Variants in ACAN observed in about 807,000 individuals in gnomAD.
ACAN encodes the protein aggrecan.
A neutral mutation model predicts 169.1 loss-of-function variants in ACAN; 47 were observed. That is an observed-to-expected ratio of 0.28 (90% CI 0.22 to 0.35). The LOEUF (loss-of-function observed/expected upper bound fraction) is 0.35, where lower values mean the gene tolerates loss of function less well. ACAN is among the 10% of genes least tolerant of loss of function. ACAN has a pLI of 1.00. For synonymous variants in ACAN, 1,115 were observed against 1,112.2 expected (o/e 1.00, Z -0.05); for missense variants, 2,716 against 2,759.9 (o/e 0.98, Z 0.36).
intron 1 of ACAN, among the ~76,000 whole-genome samples, chr15:88,806,368 T>C (rs199853043): frequency 7.1e-6 from 1 of 141,418 alleles, no homozygotes; most frequent in South Asian, 2.2e-4. Context: ...TTTTTTTTTT[T>C]AAGATGGGAG....
At chr15:88,812,591 C>A (rs1224229088) in intron 1 of ACAN, among the ~76,000 whole-genome samples, 2 of 152,210 alleles carry the variant, frequency 1.3e-5, no homozygotes, top group African/African-American at 4.8e-5. Flanking sequence ...CTCGGTCCCC[C>A]TGCCCAGGTG....
intron 1 of ACAN, among the ~76,000 whole-genome samples, chr15:88,811,820 C>G (rs1895828375): frequency 6.6e-6 from 1 of 152,146 alleles, no homozygotes; most frequent in Admixed American, 6.5e-5. Flanking sequence ...GCCCTGCTTG[C>G]ATGCTTGTCT....
At chr15:88,859,926 T>C (rs1459552255) in intron 12 of ACAN, among the ~76,000 whole-genome samples, 4 of 152,156 alleles carry the variant, frequency 2.6e-5, no homozygotes, top group Non-Finnish European at 5.9e-5. Context: ...TAAGGAACTA[T>C]GAAGTGTCAT....
In ACAN at chr15:88,868,052, G is replaced by GGCA. The variant is rs541175678; in HGVS notation, c.6947-142_6947-140dup. ...GATCTTTGCTTCAGCACTCCAAGAT[G>GGCA]GCAGCAGCAGCAGCAGCAGCAGCAA... On this transcript the variant is annotated intron_variant, in intron 13 of 18. Coordinates refer to ENST00000560601, the MANE Select transcript of ACAN (RefSeq NM_001369268.1). The surrounding 1 kb of genome is among the most constrained non-coding windows in gnomAD (Gnocchi z 5.2). 0.014 allele frequency among the ~76,000 whole-genome samples: 2,185 copies of GGCA among 152,090 alleles called. 55 individuals carry two copies. The highest frequency in any genetic ancestry group is 0.05 in the African/African-American group (2,060 of 41,478).
chr15:88,836,235 C>G lies in ACAN; in HGVS notation c.29C>G (p.Thr10Ser), dbSNP rs1422976124. 1.2e-6 allele frequency: 2 copies of G among 1,613,786 alleles called. No homozygotes were observed. The highest frequency in any genetic ancestry group is 1.7e-6 in the Non-Finnish European group (2 of 1,179,880). The change falls in exon 2 of 19, where the codon ACT becomes AGT. Residue 10 changes from threonine (T) to serine (S), a missense_variant. By Grantham distance (58) the Thr-to-Ser change is moderately conservative. This residue lies in a region of ACAN where 1,283 missense variants were observed against 1,281.5 expected (regional missense o/e 1.00). Transcript: ENST00000560601. ...ACCACTTTACTCTGGGTTTTCGTGA[C>G]TCTGAGGGTCATCACTGCAGCTGTC... MTTLLWVFV[T>S]LRVITAAVTV...
In ACAN at chr15:88,843,064, G is replaced by A. The variant is rs148788850; in HGVS notation, c.758-291G>A. Among the ~76,000 whole-genome samples the A allele has an allele frequency of 3.3e-5, 5 of 152,320 alleles. No homozygotes were observed. Among genetic ancestry groups the A allele is most frequent in the African/African-American group, 4.8e-5 (2 of 41,570 alleles). On this transcript the variant is annotated intron_variant, in intron 5 of 18. Transcript: ENST00000560601. The surrounding 1 kb of genome is among the most constrained non-coding windows in gnomAD (Gnocchi z 4.0). Reference sequence around the variant, plus strand: ...ATGCAAATGGGGCAAAGAGGCTTTTGAGCAGAATTTTCCTCCCAGATTTCA... The same window carrying A: ...ATGCAAATGGGGCAAAGAGGCTTTTAAGCAGAATTTTCCTCCCAGATTTCA...
chr15:88,858,952 G>A lies in ACAN; in HGVS notation c.6367G>A (p.Asp2123Asn). The A allele has an allele frequency of 6.2e-7, 1 of 1,612,084 alleles. No individual in the cohort carries two copies. Among genetic ancestry groups the A allele is most frequent in the South Asian group, 1.1e-5 (1 of 91,034 alleles). ...ASAAPEASREDSGSPDLSETT... is the reference protein window; with the variant it reads ...ASAAPEASRENSGSPDLSETT... The stretch of plus-strand genomic sequence containing the variant: ...TGCCGCCCCTGAGGCCAGCAGAGAA[G>A]ATTCTGGGTCCCCTGATCTGAGTGA... Residue 2123 changes from aspartate (D) to asparagine (N), a missense_variant, in exon 12 of 19, where the codon GAT (aspartate) becomes AAT (asparagine). Around this residue, in one of 3 missense-constraint regions of ACAN, gnomAD observed 1,389 missense variants for 1,363.7 expected, o/e 1.02. Coordinates refer to ENST00000560601, the MANE Select transcript of ACAN (RefSeq NM_001369268.1). The surrounding 1 kb of genome is among the most constrained non-coding windows in gnomAD (Gnocchi z 4.0).
chr15:88,810,020 GA>G (rs1895779312), intron 1 of ACAN, among the ~76,000 whole-genome samples: 1 of 152,204 alleles, frequency 6.6e-6, no homozygotes, highest in Non-Finnish European at 1.5e-5. Flanking sequence ...CTATTTTACA[GA>G]GTCATGAAAC....
intron 1 of ACAN, among the ~76,000 whole-genome samples, chr15:88,810,956 T>C (rs892570394): frequency 6.6e-6 from 1 of 152,218 alleles, no homozygotes; most frequent in Non-Finnish European, 1.5e-5. Flanking sequence ...ACTTGCTCTC[T>C]TCCTTCCCCA....
rs1477219599 is a variant in ACAN, at chr15:88,872,050, G to A, written c.7267G>A (p.Glu2423Lys). The A allele has an allele frequency of 1.2e-6, 2 of 1,613,826 alleles. No individual in the cohort carries two copies. Among genetic ancestry groups the A allele is most frequent in the Non-Finnish European group, 8.5e-7 (1 of 1,179,912 alleles). Residue 2423 changes from glutamate (E) to lysine (K), a missense_variant, in exon 16 of 19, where the codon GAA becomes AAA. Glu to Lys is a moderately conservative substitution (Grantham distance 56, BLOSUM62 1). Transcript: ENST00000560601. This position sits in a 1 kb window ranked among gnomAD's most constrained non-coding sequence, Gnocchi z 5.4. The part of the protein sequence containing the change: ...QWIGLNDRTI[E>K]GDFRWSDGHP... ...GATCGGCCTGAACGACAGGACCATC[G>A]AAGGGGACTTCCGCTGGTCAGATGG...
At chr15:88,805,668 G>A (rs550193190) in intron 1 of ACAN, among the ~76,000 whole-genome samples, 3 of 152,222 alleles carry the variant, frequency 2.0e-5, no homozygotes, top group Non-Finnish European at 2.9e-5. Context: ...AGGGCTTAGC[G>A]TAGTGCCTGG....
rs1314714838 is a variant in ACAN, at chr15:88,855,316, G to C, written c.2731G>C (p.Gly911Arg). ...TGGTCTTACTTCCACAGTGGGCTCA[G>C]GCCTGCCTGTGGAAAGTGGACTACC... ...SSGLTSTVGS[G>R]LPVESGLPSG... The change falls in exon 12 of 19, where the codon GGC becomes CGC. Residue 911 changes from glycine to arginine, a missense_variant. Physicochemically the swap from Gly to Arg is moderately radical, Grantham distance 125. Around this residue, in one of 3 missense-constraint regions of ACAN, gnomAD observed 1,283 missense variants for 1,281.5 expected, o/e 1.00. Transcript: ENST00000560601. The C allele has an allele frequency of 6.2e-7, 1 of 1,612,392 alleles. No homozygotes were observed.
At position 88,849,522 on chromosome 15, in the gene ACAN, C is replaced by G. The variant is rs757476544; in HGVS notation, c.1817C>G (p.Ala606Gly). The G allele has an allele frequency of 2.4e-5, 38 of 1,605,672 alleles. 2 individuals carry two copies. The South Asian group carries it at 3.8e-4, about 16-fold the overall frequency. The change falls in exon 10 of 19, where the codon GCC becomes GGC. Residue 606 changes from alanine to glycine, a missense_variant. Transcript: ENST00000560601. The surrounding 1 kb of genome is among the most constrained non-coding windows in gnomAD (Gnocchi z 5.1). ...TGTGAATCTCACAATGCTACGCTGG[C>G]CACCACGGGCCAGCTCTACGCCGCC... The part of the protein sequence containing the change: ...EFCESHNATL[A>G]TTGQLYAAWS...
chr15:88,855,468 A>G lies in ACAN; in HGVS notation c.2883A>G (p.Glu961=). Residue 961 remains glutamate (E), a synonymous_variant, in exon 12 of 19, where the codon GAA becomes GAG. Transcript: ENST00000560601. ...VGDLSGLPSG[E]VLETSASGVG... Reference sequence around the variant, plus strand: ...ATCTCAGTGGACTTCCTTCTGGAGAAGTTCTAGAGACCTCTGCCTCTGGAG... The same window carrying G: ...ATCTCAGTGGACTTCCTTCTGGAGAGGTTCTAGAGACCTCTGCCTCTGGAG... 2 of 1,613,424 alleles carry G rather than the reference A, an allele frequency of 1.2e-6. No individual in the cohort carries two copies. The highest frequency in any genetic ancestry group is 1.1e-5 in the South Asian group (1 of 91,016).
chr15:88,843,614 C>T lies in ACAN; in HGVS notation c.1017C>T (p.Asp339=). 3 of 1,592,454 alleles carry T rather than the reference C, an allele frequency of 1.9e-6. No homozygotes were observed. Among genetic ancestry groups the T allele is most frequent in the Non-Finnish European group, 2.6e-6 (3 of 1,163,546 alleles). ...ATGCCAACCAGACGGGCTACCCCGA[C>T]CCCTCATCCCGCTACGACGCCATCT... is the stretch of plus-strand genomic sequence containing the variant. ...YVHANQTGYP[D]PSSRYDAICY... is the part of the protein sequence containing the mutation. The change falls in exon 6 of 19, where the codon GAC becomes GAT. Residue 339 remains aspartate (D), a synonymous_variant. Transcript: ENST00000560601. The surrounding 1 kb of genome is among the most constrained non-coding windows in gnomAD (Gnocchi z 4.0).
rs1236855218 is a variant in ACAN at position 88,839,781 on chromosome 15, C to T, written c.455-231C>T. 6.6e-6 allele frequency among the ~76,000 whole-genome samples: 1 copy of T among 152,164 alleles called. No individual in the cohort carries two copies. Among genetic ancestry groups the T allele is most frequent in the African/African-American group, 2.4e-5 (1 of 41,428 alleles). On this transcript the variant is annotated intron_variant, in intron 3 of 18. Coordinates refer to ENST00000560601, the MANE Select transcript of ACAN (RefSeq NM_001369268.1). The surrounding 1 kb of genome is among the most constrained non-coding windows in gnomAD (Gnocchi z 4.5). ...AGAACTTTCTCTTTATCAGTATTAT[C>T]ATAAGTCTTTAAAAAGGAATGCCTT...
intron 4 of ACAN, among the ~76,000 whole-genome samples, chr15:88,840,860 C>T (rs1299284158): frequency 1.3e-5 from 2 of 152,146 alleles, no homozygotes; most frequent in East Asian, 1.9e-4. Flanking sequence ...AAGAACTGGA[C>T]TCAGCCGGGC....
intron 1 of ACAN, among the ~76,000 whole-genome samples, chr15:88,835,769 C>G (rs1477217024): frequency 6.6e-6 from 1 of 152,138 alleles, no homozygotes; most frequent in Non-Finnish European, 1.5e-5. Context: ...TGGACTAGAC[C>G]CTCCCACATT....
chr15:88,827,577 C>T (rs1896255888), intron 1 of ACAN, among the ~76,000 whole-genome samples: 2 of 152,118 alleles, frequency 1.3e-5, no homozygotes, highest in Admixed American at 1.3e-4. Context: ...TTTTATCAGG[C>T]TAGCACCCAT....
Sources: allele counts gnomAD v4.1 joint callset (sites outside exome capture counted in the v4.1 genomes callset), GRCh38; gene constraint gnomAD v4.1.1; regional missense constraint gnomAD v4.1.1; non-coding constraint Gnocchi (gnomAD v3.1); transcripts MANE v1.5; gene names NCBI Gene and HGNC (gene_info 2026-07-23, HGNC 2026-07-21).